DGLUCY: variants seen among roughly 807,000 people sequenced by gnomAD.
DGLUCY encodes D-glutamate cyclase, also known as D-glutamate cyclase, mitochondrial.
DGLUCY carries 58 observed loss-of-function variants against 58.5 expected under a neutral mutation model. The ratio of observed to expected loss-of-function variants is 0.99; its 90% confidence interval spans 0.80 to 1.23. The LOEUF is 1.23. Among genes scored for constraint, DGLUCY ranks in the 50% most tolerant of loss-of-function variants. The pLI is 0.00. For missense variants in DGLUCY, 779 were observed against 784.7 expected (o/e 0.99, Z 0.09); for synonymous variants, 325 against 314.1 (o/e 1.03, Z -0.37).
chr14:91,137,090 A>G (rs888298334), intron 1 of DGLUCY, among the ~76,000 whole-genome samples: 3 of 151,746 alleles, frequency 2.0e-5, no homozygotes, highest in Non-Finnish European at 4.4e-5. Flanking sequence ...TCTAATGCTC[A>G]TAGAGTGATG....
chr14:91,087,229 A>G (rs537376535), intron 1 of DGLUCY, among the ~76,000 whole-genome samples: 3 of 152,318 alleles, frequency 2.0e-5, no homozygotes, highest in East Asian at 3.9e-4. Flanking sequence ...CGAATCAGAC[A>G]TTGCTTACAA....
intron 11 of DGLUCY, among the ~76,000 whole-genome samples, chr14:91,202,815 C>T (rs1254409744): frequency 1.3e-5 from 2 of 152,220 alleles, no homozygotes; most frequent in Non-Finnish European, 2.9e-5. Context: ...TTCATGGCTT[C>T]GAACCGCCCC....
chr14:91,150,454 T>G (rs1054754137), intron 1 of DGLUCY, among the ~76,000 whole-genome samples: 2 of 151,750 alleles, frequency 1.3e-5, no homozygotes, highest in African/African-American at 4.8e-5. Flanking sequence ...GAATGTTTCT[T>G]TTTTTTTGAG....
At chr14:91,201,057 A>T (rs1427282755) in intron 11 of DGLUCY, among the ~76,000 whole-genome samples, 1 of 152,028 alleles carries the variant, frequency 6.6e-6, no homozygotes, top group East Asian at 1.9e-4. Context: ...AAGTACATTC[A>T]CAAGGGCAGG....
chr14:91,121,240 C>G (rs532635332), intron 1 of DGLUCY, among the ~76,000 whole-genome samples: 79 of 152,288 alleles, frequency 5.2e-4, no homozygotes, highest in African/African-American at 1.9e-3. Context: ...GCACATTTCC[C>G]GACACACAGA....
At chr14:91,069,522 C>T (rs1257576142) in intron 1 of DGLUCY, among the ~76,000 whole-genome samples, 4 of 152,174 alleles carry the variant, frequency 2.6e-5, no homozygotes, top group African/African-American at 9.7e-5. Context: ...TCAGGTGATC[C>T]GCCCACCTCA....
chr14:91,200,749 G>A (rs184812152), intron 11 of DGLUCY, among the ~76,000 whole-genome samples: 7 of 152,072 alleles, frequency 4.6e-5, no homozygotes, highest in East Asian at 1.9e-4. Context: ...GTAATGTCAC[G>A]TGCGTCTGTG....
At chr14:91,074,214 T>A (rs188920043) in intron 1 of DGLUCY, among the ~76,000 whole-genome samples, 144 of 140,208 alleles carry the variant, frequency 1.0e-3, no homozygotes, top group Non-Finnish European at 1.4e-3. Context: ...GAAGATCACA[T>A]GAGCCTAGGA....
intron 10 of DGLUCY, 80 bp from the exon 11 acceptor site, chr14:91,199,677 C>G (rs2050432992): frequency 6.7e-7 from 1 of 1,498,046 alleles, no homozygotes; most frequent in Non-Finnish European, 9.1e-7. Context: ...GTCTTTCGCG[C>G]AAACACAAGA....
chr14:91,104,061 CTTTT>C (rs1293827774), upstream of DGLUCY, among the ~76,000 whole-genome samples: 1 of 9,494 alleles, frequency 1.1e-4, no homozygotes, highest in Non-Finnish European at 2.1e-4. Context: ...TGAAAACATT[CTTTT>C]TTTTTTTTTT....
intron 9 of DGLUCY, among the ~76,000 whole-genome samples, chr14:91,195,714 A>T (rs148729709): frequency 0.012 from 1,590 of 128,196 alleles, 33 homozygotes; most frequent in African/African-American, 0.047. Flanking sequence ...TCTGTTGCCC[A>T]GGCTGGAGTG....
At chr14:91,087,167 A>G (rs916495876) in intron 1 of DGLUCY, among the ~76,000 whole-genome samples, 9 of 152,162 alleles carry the variant, frequency 5.9e-5, no homozygotes, top group African/African-American at 1.9e-4. Context: ...GAGCCCCCCA[A>G]AAGTTCAAAG....
chr14:91,181,202 T>G lies in DGLUCY; in HGVS notation c.747T>G (p.Phe249Leu). The G allele has an allele frequency of 6.2e-7, 1 of 1,614,170 alleles. No homozygotes were observed. Among genetic ancestry groups the G allele is most frequent in the South Asian group, 1.1e-5 (1 of 91,080 alleles). The change falls in exon 8 of 14, where the codon TTT becomes TTG. Residue 249 changes from phenylalanine to leucine, a missense_variant. By Grantham distance (22) the Phe-to-Leu change is conservative. Transcript: ENST00000256324. ...GTGTTTTAGAGACCCCACTGGCTTT[T>G]GCCAGCATCCCAGGCTGCACAGTTA... is the stretch of plus-strand genomic sequence containing the variant. ...AVSSCETPLAFASIPGCTVMT... is the reference protein window; with the variant it reads ...AVSSCETPLALASIPGCTVMT...
At chr14:91,214,722 C>T (rs1450029026) in intron 12 of DGLUCY, among the ~76,000 whole-genome samples, 1 of 152,186 alleles carries the variant, frequency 6.6e-6, no homozygotes, top group Non-Finnish European at 1.5e-5. Flanking sequence ...CAGCCAGGTG[C>T]ACCTATAATC....
At chr14:91,204,876 C>T in intron 12 of DGLUCY, 51 bp downstream of exon 12, 5 of 1,611,076 alleles carry the variant, frequency 3.1e-6, no homozygotes, top group Non-Finnish European at 4.2e-6. Flanking sequence ...GGGTGAGCGA[C>T]CTGGCTTGGA....
chr14:91,112,936 T>C (rs767102907), upstream of DGLUCY, among the ~76,000 whole-genome samples: 2 of 141,356 alleles, frequency 1.4e-5, no homozygotes, highest in Non-Finnish European at 3.0e-5. Flanking sequence ...GAGGCGGAGA[T>C]TGCAGTGAGC....
chr14:91,072,254 T>G (rs1468906734), intron 1 of DGLUCY, among the ~76,000 whole-genome samples: 1 of 151,206 alleles, frequency 6.6e-6, no homozygotes, highest in Non-Finnish European at 1.5e-5. Context: ...AATGTGGGAG[T>G]TGGAGGTTGC....
intron 9 of DGLUCY, among the ~76,000 whole-genome samples, chr14:91,193,412 G>A (rs1424656146): frequency 6.6e-6 from 1 of 152,158 alleles, no homozygotes; most frequent in Non-Finnish European, 1.5e-5. Context: ...TTGTCCTCAT[G>A]GGAGCTCAGA....
intron 5 of DGLUCY, among the ~76,000 whole-genome samples, chr14:91,171,615 T>TGGAA (rs1461890441): frequency 6.6e-6 from 1 of 152,226 alleles, no homozygotes; most frequent in African/African-American, 2.4e-5. Context: ...CGAGGTTCCA[T>TGGAA]CCTGCTGCCG....
Sources: gnomAD v4.1 joint callset for allele counts (sites outside exome capture counted in the v4.1 genomes callset) on GRCh38, gnomAD v4.1.1 for gene constraint, MANE v1.5 for transcripts, NCBI Gene and HGNC (gene_info 2026-07-23, HGNC 2026-07-21) for gene names.